Variants in ERC1 observed in about 807,000 individuals in gnomAD.
ERC1 encodes ELKS/RAB6-interacting/CAST family member 1, also known as RAB6 interacting protein 2.
Under a neutral mutation model 132.0 loss-of-function variants are expected in ERC1, and 56 were observed. That is an observed-to-expected ratio of 0.42 (90% confidence interval 0.34 to 0.53). ERC1 has a LOEUF of 0.53. Among genes scored for constraint, ERC1 ranks in the 20% least tolerant of loss-of-function variants. The probability of loss-of-function intolerance (pLI) is 0.03; values close to 1 mark genes in which losing one functional copy is unlikely to be tolerated. For missense variants in ERC1, 1,202 were observed against 1,349.9 expected, an observed-to-expected ratio of 0.89 and a Z score of 1.72; for synonymous variants, 478 against 476.1, an observed-to-expected ratio of 1.00 and a Z score of -0.05.
At chr12:1,073,616 T>G (rs1593121318) in intron 2 of ERC1, among the ~76,000 whole-genome samples, 1 of 151,488 alleles carries the variant, frequency 6.6e-6, no homozygotes, top group East Asian at 1.9e-4. Context: ...ACCACTGCAT[T>G]CCAGCCTGGG....
At chr12:1,183,950 A>G (rs1197484746) in intron 11 of ERC1, among the ~76,000 whole-genome samples, 1 of 152,156 alleles carries the variant, frequency 6.6e-6, no homozygotes, top group Admixed American at 6.6e-5. Context: ...CTTGACCAAC[A>G]TGGCGAAACC....
At chr12:1,115,072 T>C (rs997800891) in intron 6 of ERC1, among the ~76,000 whole-genome samples, 3 of 152,208 alleles carry the variant, frequency 2.0e-5, no homozygotes, top group East Asian at 1.9e-4. Flanking sequence ...TTGTCAAATG[T>C]ATACTTCCAA....
intron 14 of ERC1, among the ~76,000 whole-genome samples, chr12:1,281,789 A>G (rs986403834): frequency 6.6e-6 from 1 of 152,140 alleles, no homozygotes; most frequent in Non-Finnish European, 1.5e-5. Flanking sequence ...TCAGGTATTT[A>G]TTTTTTAGTT....
At chr12:1,405,400 C>T (rs1327078998) in intron 16 of ERC1, among the ~76,000 whole-genome samples, 1 of 151,474 alleles carries the variant, frequency 6.6e-6, no homozygotes, top group African/African-American at 2.4e-5. Flanking sequence ...CAGTATGGGA[C>T]TCACTAAATA....
At chr12:1,217,020 A>G (rs1175086145) in intron 12 of ERC1, among the ~76,000 whole-genome samples, 2 of 152,208 alleles carry the variant, frequency 1.3e-5, no homozygotes, top group East Asian at 3.8e-4. Context: ...AAAAATTATG[A>G]TAATGCTTAA....
chr12:1,084,613 T>C (rs1009106815), intron 3 of ERC1, among the ~76,000 whole-genome samples: 3 of 152,148 alleles, frequency 2.0e-5, no homozygotes, highest in African/African-American at 4.8e-5. Context: ...CAAAAACTTA[T>C]AACTCAAAGT....
chr12:1,040,809 G>C (rs1250116162), intron 2 of ERC1, among the ~76,000 whole-genome samples: 1 of 152,214 alleles, frequency 6.6e-6, no homozygotes, highest in Admixed American at 6.5e-5. Flanking sequence ...TGTATAGGCC[G>C]AGAAAGTGAG....
At chr12:1,043,181 C>A (rs1461382046) in intron 2 of ERC1, among the ~76,000 whole-genome samples, 1 of 151,716 alleles carries the variant, frequency 6.6e-6, no homozygotes, top group African/African-American at 2.4e-5. Context: ...GTAGCAGGGA[C>A]TACAGACGCC....
At chr12:1,305,010 G>A (rs890611492) in intron 15 of ERC1, among the ~76,000 whole-genome samples, 10 of 151,446 alleles carry the variant, frequency 6.6e-5, no homozygotes, top group Admixed American at 1.3e-4. Flanking sequence ...GGATGGTCTC[G>A]ATCTCCGGAT....
At chr12:1,403,530 C>T (rs551028382) in intron 16 of ERC1, among the ~76,000 whole-genome samples, 1 of 152,318 alleles carries the variant, frequency 6.6e-6, no homozygotes, top group South Asian at 2.1e-4. Flanking sequence ...CAAGTTTCTT[C>T]ATACTAGACC....
At chr12:1,133,157 C>CA (rs1555262887) in intron 7 of ERC1, among the ~76,000 whole-genome samples, 1 of 18,434 alleles carries the variant, frequency 5.4e-5, no homozygotes, top group Non-Finnish European at 1.2e-3. Context: ...CACACCTGGC[C>CA]GGTTTTTTTT....
chr12:1,057,137 G>T (rs1309568059), intron 2 of ERC1, among the ~76,000 whole-genome samples: 3 of 151,900 alleles, frequency 2.0e-5, no homozygotes, highest in African/African-American at 7.3e-5. Flanking sequence ...GTGTTTTTTT[G>T]TTTGTTTGTT....
intron 15 of ERC1, among the ~76,000 whole-genome samples, chr12:1,354,637 A>G (rs1177013601): frequency 6.6e-6 from 1 of 152,134 alleles, no homozygotes; most frequent in East Asian, 1.9e-4. Context: ...CTCTTGAAGA[A>G]TCATTTATTT....
At chr12:1,267,716 T>A (rs961082445) in intron 14 of ERC1, among the ~76,000 whole-genome samples, 1 of 152,168 alleles carries the variant, frequency 6.6e-6, no homozygotes, top group Non-Finnish European at 1.5e-5. Flanking sequence ...GAGCCATGAT[T>A]GTACCACTGC....
At chr12:1,211,648 CT>C (rs540532284) in intron 12 of ERC1, among the ~76,000 whole-genome samples, 171 of 152,228 alleles carry the variant, frequency 1.1e-3, no homozygotes, top group Middle Eastern at 6.8e-3. Flanking sequence ...CAACCTCTGC[CT>C]CCAGGGTTCA....
intron 12 of ERC1, among the ~76,000 whole-genome samples, chr12:1,196,972 ATATATT>A (rs1258868396): frequency 2.2e-4 from 13 of 58,264 alleles, no homozygotes; most frequent in African/African-American, 1.7e-3. Flanking sequence ...ATATATATAT[ATATATT>A]TTTTTTTTTT....
intron 12 of ERC1, among the ~76,000 whole-genome samples, chr12:1,196,905 TACACACACACACACACACACACACACAC>T (rs766381798): frequency 0.26 from 15,219 of 57,612 alleles, 2,422 homozygotes; most frequent in Middle Eastern, 0.35. Context: ...TCTGTCTCTC[TACACACACACACACACACACACACACAC>T]ACACACACAC....
chr12:1,183,628 T>A (rs995371652), intron 11 of ERC1, among the ~76,000 whole-genome samples: 2 of 152,170 alleles, frequency 1.3e-5, no homozygotes, highest in Non-Finnish European at 2.9e-5. Flanking sequence ...AAATTGACAG[T>A]TCAGAGAAAG....
At chr12:1,222,179 C>T (rs969099025) in intron 12 of ERC1, among the ~76,000 whole-genome samples, 1 of 151,764 alleles carries the variant, frequency 6.6e-6, no homozygotes, top group African/African-American at 2.4e-5. Context: ...TTGACCAAAG[C>T]ATTATCATCA....
Sources: gnomAD v4.1 joint callset for allele counts (sites outside exome capture counted in the v4.1 genomes callset) on GRCh38, gnomAD v4.1.1 for gene constraint, MANE v1.5 for transcripts, NCBI Gene and HGNC (gene_info 2026-07-23, HGNC 2026-07-21) for gene names.